RBFOX3: variants seen among roughly 807,000 people sequenced by gnomAD.
RBFOX3 encodes the protein RNA binding fox-1 homolog 3.
A neutral mutation model predicts 48.7 loss-of-function variants in RBFOX3; 17 were observed. The ratio of observed to expected loss-of-function variants is 0.35; its 90% CI spans 0.24 to 0.52. The LOEUF (loss-of-function observed/expected upper bound fraction) is 0.52. Ranked by LOEUF, RBFOX3 falls within the 20% of genes least tolerant of loss-of-function variation. The probability of loss-of-function intolerance (pLI) is 0.94; values close to 1 mark genes in which losing one functional copy is unlikely to be tolerated. For missense variants in RBFOX3, 382 were observed against 497.5 expected (o/e 0.77, Z 2.21); for synonymous variants, 212 against 209.5 (o/e 1.01, Z -0.10).
At chr17:79,403,130 TC>T (rs1305801681) in intron 2 of RBFOX3, among the ~76,000 whole-genome samples, 3 of 152,024 alleles carry the variant, frequency 2.0e-5, no homozygotes, top group Non-Finnish European at 2.9e-5. Flanking sequence ...AAGACTTGGC[TC>T]CCTCCCCCTC....
rs2075645867 is a variant in RBFOX3, at chr17:79,097,708, C to T, written c.606G>A (p.Gly202=). 1.9e-6 allele frequency: 3 copies of T among 1,543,280 alleles called. No homozygotes were observed. Among genetic ancestry groups the T allele is most frequent in the Non-Finnish European group, 2.6e-6 (3 of 1,142,544 alleles). The change falls in exon 10 of 15, where the codon GGG becomes GGA. Residue 202 remains glycine (G), a synonymous_variant. Coordinates refer to ENST00000693108, the MANE Select transcript of RBFOX3 (RefSeq NM_001350451.2). ...KLNPVVGAVY[G]PEFYAVTGFP... is the part of the protein sequence containing the mutation. ...AGCTTTTACCTGCATAGAATTCAGGCCCGTAGACTGCGCCGACCACTGGAT... is the reference window on the plus strand; with the variant it reads ...AGCTTTTACCTGCATAGAATTCAGGTCCGTAGACTGCGCCGACCACTGGAT...
intron 2 of RBFOX3, among the ~76,000 whole-genome samples, chr17:79,338,697 A>G (rs1237810157): frequency 6.6e-6 from 1 of 152,220 alleles, no homozygotes. Flanking sequence ...TGGAACTCGC[A>G]TTGCTACACA....
chr17:79,250,229 A>G (rs1355082583), intron 3 of RBFOX3, among the ~76,000 whole-genome samples: 1 of 152,140 alleles, frequency 6.6e-6, no homozygotes, highest in Non-Finnish European at 1.5e-5. Flanking sequence ...TATCACACCC[A>G]TGTCCCGGTG....
intron 3 of RBFOX3, among the ~76,000 whole-genome samples, chr17:79,303,982 C>T (rs930090095): frequency 2.2e-4 from 34 of 152,220 alleles, no homozygotes; most frequent in African/African-American, 7.5e-4. Flanking sequence ...GAGCTGCCTG[C>T]GACTTGGGGT....
intron 2 of RBFOX3, among the ~76,000 whole-genome samples, chr17:79,456,678 CT>C (rs113603012): frequency 0.048 from 7,372 of 152,240 alleles, 592 homozygotes; most frequent in African/African-American, 0.17. Context: ...GCCAGAGCCC[CT>C]CCTGAGTCAG....
In RBFOX3 at chr17:79,361,518, G is replaced by A. The variant is rs891124904; in HGVS notation, c.-174-53694C>T. On this transcript the variant is annotated intron_variant, in intron 2 of 14. Transcript: ENST00000693108. This position sits in a 1 kb window ranked among gnomAD's most constrained non-coding sequence, Gnocchi z 4.5. Reference sequence around the variant, plus strand: ...GCCACCACCTCCTGCCCCTGAGCCCGCGTGGCTCTCTGTGCCACAGCTGGA... The same window carrying A: ...GCCACCACCTCCTGCCCCTGAGCCCACGTGGCTCTCTGTGCCACAGCTGGA... Among the ~76,000 whole-genome samples the A allele has an allele frequency of 8.5e-5, 13 of 152,286 alleles. No individual in the cohort carries two copies. Among genetic ancestry groups the A allele is most frequent in the South Asian group, 6.2e-4 (3 of 4,832 alleles).
At chr17:79,164,896 C>T (rs574774278) in intron 4 of RBFOX3, among the ~76,000 whole-genome samples, 1 of 152,094 alleles carries the variant, frequency 6.6e-6, no homozygotes, top group Non-Finnish European at 1.5e-5. Flanking sequence ...TCTCCCTGCA[C>T]CAGAATCACC....
At chr17:79,567,218 C>G (rs1386428005) in intron 1 of RBFOX3, among the ~76,000 whole-genome samples, 4 of 127,276 alleles carry the variant, frequency 3.1e-5, no homozygotes, top group Non-Finnish European at 6.3e-5. Flanking sequence ...GGGTCTCACT[C>G]TGTCGCCCAG....
At chr17:79,499,816 C>G (rs12942121) in intron 1 of RBFOX3, among the ~76,000 whole-genome samples, 1 of 151,978 alleles carries the variant, frequency 6.6e-6, no homozygotes, top group Non-Finnish European at 1.5e-5. Flanking sequence ...GGCCATTATC[C>G]GCATCATCAT....
chr17:79,242,146 C>G lies in RBFOX3; in HGVS notation c.-73-6341G>C, dbSNP rs1314520180. Among the ~76,000 whole-genome samples the G allele has an allele frequency of 6.6e-6, 1 of 152,178 alleles. No individual in the cohort carries two copies. Among genetic ancestry groups the G allele is most frequent in the Non-Finnish European group, 1.5e-5 (1 of 68,036 alleles). On this transcript the variant is annotated intron_variant, in intron 3 of 14. Transcript: ENST00000693108. The surrounding 1 kb of genome is among the most constrained non-coding windows in gnomAD (Gnocchi z 5.8). ...ATTGTACGAGTTCCTGCAGCAGAGG[C>G]ACTGGTGCCAGGAAAGACCTTGGGA...
intron 4 of RBFOX3, among the ~76,000 whole-genome samples, chr17:79,134,414 G>A (rs2039689750): frequency 6.6e-6 from 1 of 152,202 alleles, no homozygotes; most frequent in Non-Finnish European, 1.5e-5. Flanking sequence ...GCTCTGGGAG[G>A]GAGACTCTGT....
intron 4 of RBFOX3, among the ~76,000 whole-genome samples, chr17:79,125,109 C>T (rs186162244): frequency 3.9e-5 from 6 of 152,312 alleles, no homozygotes; most frequent in African/African-American, 1.2e-4. Context: ...TCCAATTATC[C>T]GGGAATGAGC....
intron 4 of RBFOX3, among the ~76,000 whole-genome samples, chr17:79,156,109 G>C (rs550546416): frequency 6.6e-6 from 1 of 152,330 alleles, no homozygotes; most frequent in South Asian, 2.1e-4. Context: ...TGACACACTT[G>C]GGGGTGACGG....
intron 1 of RBFOX3, among the ~76,000 whole-genome samples, chr17:79,536,264 G>A (rs1568388934): frequency 6.6e-6 from 1 of 152,224 alleles, no homozygotes; most frequent in African/African-American, 2.4e-5. Context: ...TTTCAGTGGA[G>A]ACAGGGTTTC....
chr17:79,182,356 G>A (rs1252573989), intron 4 of RBFOX3, among the ~76,000 whole-genome samples: 1 of 152,212 alleles, frequency 6.6e-6, no homozygotes, highest in African/African-American at 2.4e-5. Flanking sequence ...CAGAGATGTG[G>A]GCAGCCAGGG....
At chr17:79,288,856 T>C (rs939296808) in intron 3 of RBFOX3, among the ~76,000 whole-genome samples, 3 of 151,722 alleles carry the variant, frequency 2.0e-5, no homozygotes, top group Non-Finnish European at 4.4e-5. Flanking sequence ...TAGGGAGAAG[T>C]AGAGTGTTCT....
intron 1 of RBFOX3, among the ~76,000 whole-genome samples, chr17:79,491,937 T>C (rs1231807029): frequency 6.6e-6 from 1 of 151,850 alleles, no homozygotes; most frequent in African/African-American, 2.4e-5. Context: ...CAAAAATTAG[T>C]CAAGTATGGT....
intron 2 of RBFOX3, among the ~76,000 whole-genome samples, chr17:79,378,228 G>A (rs751847): frequency 0.12 from 18,670 of 151,860 alleles, 1,584 homozygotes; most frequent in Non-Finnish European, 0.19. Context: ...TCACCACTCT[G>A]GACACAAAGA....
At chr17:79,134,827 G>C (rs2039797364) in intron 4 of RBFOX3, among the ~76,000 whole-genome samples, 1 of 152,242 alleles carries the variant, frequency 6.6e-6, no homozygotes, top group Non-Finnish European at 1.5e-5. Flanking sequence ...ATTCCCACCA[G>C]TGGTGCTGAA....
Sources: allele counts gnomAD v4.1 joint callset (sites outside exome capture counted in the v4.1 genomes callset), GRCh38; gene constraint gnomAD v4.1.1; non-coding constraint Gnocchi (gnomAD v3.1); transcripts MANE v1.5; gene names NCBI Gene and HGNC (gene_info 2026-07-23, HGNC 2026-07-21).